The following MPPED2 variants were observed in gnomAD, a reference collection of about 807,000 sequenced individuals.
The protein encoded by MPPED2 is metallophosphoesterase MPPED2.
In MPPED2, 5 loss-of-function variants were observed where a neutral mutation model predicts 33.0. That is an observed-to-expected ratio of 0.15 (90% CI 0.08 to 0.32). The LOEUF is 0.32. Among genes scored for constraint, MPPED2 ranks in the 10% least tolerant of loss-of-function variants. The pLI is 1.00. For synonymous variants in MPPED2, 136 were observed against 141.9 expected (o/e 0.96, Z 0.29); for missense variants, 275 against 372.1 (o/e 0.74, Z 2.15).
chr11:30,384,902 T>C (rs981426574), exon 7 of MPPED2: 1 of 152,276 alleles, frequency 6.6e-6, no homozygotes, highest in Non-Finnish European at 1.5e-5. Flanking sequence ...TCTTGATTGC[T>C]AATTCCATAT....
rs1024892221 is a variant in MPPED2, at chr11:30,536,281, C to G, written c.129-106G>C. ...TTATTCGTGAATGCACCCAGACAAA[C>G]TGACGCAAAGGCAGAAGGGCCCACT... is the stretch of plus-strand genomic sequence containing the variant. On this transcript the variant is annotated intron_variant, in intron 2 of 6. Transcript: ENST00000358117. 2.9e-6 allele frequency: 3 copies of G among 1,031,752 alleles called. No individual in the cohort carries two copies. The African/African-American group carries it at 4.9e-5, about 17-fold the overall frequency. The allele number at this position is 1,031,752 out of a possible 1,614,324, so 63.9% of individuals were successfully genotyped here.
chr11:30,476,236 T>C (rs1266617056), intron 4 of MPPED2, among the ~76,000 whole-genome samples: 1 of 152,042 alleles, frequency 6.6e-6, no homozygotes, highest in East Asian at 1.9e-4. Flanking sequence ...TTTGTAATGA[T>C]ATCTTTCAAA....
At chr11:30,521,096 C>T (rs189124022) in intron 3 of MPPED2, among the ~76,000 whole-genome samples, 1 of 152,036 alleles carries the variant, frequency 6.6e-6, no homozygotes, top group South Asian at 2.1e-4. Flanking sequence ...ACTGGGGCTA[C>T]TAGGAGGAAT....
chr11:30,490,797 A>C (rs1225977425), intron 4 of MPPED2, among the ~76,000 whole-genome samples: 1 of 152,216 alleles, frequency 6.6e-6, no homozygotes, highest in African/African-American at 2.4e-5. Context: ...GCTGTGTTGC[A>C]AGTTATCAAC....
intron 3 of MPPED2, among the ~76,000 whole-genome samples, chr11:30,500,237 T>A (rs1326323382): frequency 6.6e-6 from 1 of 152,140 alleles, no homozygotes; most frequent in Non-Finnish European, 1.5e-5. Context: ...AGTGGTGTGA[T>A]CCATTCCCTT....
chr11:30,502,027 A>G (rs1952591558), intron 3 of MPPED2, among the ~76,000 whole-genome samples: 1 of 152,170 alleles, frequency 6.6e-6, no homozygotes, highest in African/African-American at 2.4e-5. Context: ...TGATTTTACC[A>G]TCTGGGGAAA....
At chr11:30,579,025 T>G (rs1957050022) in intron 2 of MPPED2, among the ~76,000 whole-genome samples, 1 of 144,226 alleles carries the variant, frequency 6.9e-6, no homozygotes, top group Non-Finnish European at 1.5e-5. Context: ...TTTTGGTCAC[T>G]CAAGCATGCT....
intron 4 of MPPED2, among the ~76,000 whole-genome samples, chr11:30,489,967 C>A (rs1951903564): frequency 6.6e-6 from 1 of 151,584 alleles, no homozygotes; most frequent in Non-Finnish European, 1.5e-5. Context: ...AGAGCCTAGT[C>A]CCACGAGTAA....
chr11:30,476,165 A>C (rs182758817), intron 4 of MPPED2, among the ~76,000 whole-genome samples: 1 of 151,942 alleles, frequency 6.6e-6, no homozygotes, highest in Admixed American at 6.6e-5. Flanking sequence ...ATCCAGATTT[A>C]TAGGTTGAAA....
At chr11:30,437,438 T>A (rs773068208) in intron 4 of MPPED2, among the ~76,000 whole-genome samples, 1 of 152,182 alleles carries the variant, frequency 6.6e-6, no homozygotes, top group African/African-American at 2.4e-5. Context: ...ATTTTCCCCA[T>A]CAAATTTCAA....
chr11:30,488,689 C>T (rs1951843449), intron 4 of MPPED2, among the ~76,000 whole-genome samples: 1 of 152,206 alleles, frequency 6.6e-6, no homozygotes, highest in African/African-American at 2.4e-5. Context: ...GAGCAGTCAG[C>T]TGCATTCTGA....
At chr11:30,423,896 C>T (rs941192541) in intron 4 of MPPED2, among the ~76,000 whole-genome samples, 1 of 152,144 alleles carries the variant, frequency 6.6e-6, no homozygotes, top group Non-Finnish European at 1.5e-5. Flanking sequence ...CCCTCCTGCT[C>T]CAGACTTTTG....
At chr11:30,482,840 T>G (rs970166546) in intron 4 of MPPED2, among the ~76,000 whole-genome samples, 1 of 152,198 alleles carries the variant, frequency 6.6e-6, no homozygotes, top group Non-Finnish European at 1.5e-5. Context: ...CTAGCCAAAC[T>G]TCAAAATTTC....
intron 3 of MPPED2, among the ~76,000 whole-genome samples, chr11:30,512,518 G>T (rs984152512): frequency 1.3e-5 from 2 of 152,134 alleles, no homozygotes; most frequent in Non-Finnish European, 1.5e-5. Context: ...CTCTTGTTGT[G>T]GGGGGAAGGA....
intron 2 of MPPED2, among the ~76,000 whole-genome samples, chr11:30,569,599 G>A (rs958410580): frequency 1.6e-4 from 24 of 152,270 alleles, no homozygotes; most frequent in African/African-American, 5.3e-4. Context: ...AACAGATGGC[G>A]AACCTTGGGA....
At chr11:30,421,395 G>A (rs983190266) in intron 4 of MPPED2, among the ~76,000 whole-genome samples, 1 of 151,828 alleles carries the variant, frequency 6.6e-6, no homozygotes, top group Non-Finnish European at 1.5e-5. Context: ...TCCAAGTTAA[G>A]GATGAAGTTT....
intron 4 of MPPED2, among the ~76,000 whole-genome samples, chr11:30,424,294 G>GC (rs1341147439): frequency 1.1e-4 from 17 of 152,142 alleles, no homozygotes; most frequent in Admixed American, 8.5e-4. Flanking sequence ...CTGCTGCCTG[G>GC]CACCTCTATT....
chr11:30,563,139 G>C (rs1158735981), intron 2 of MPPED2, among the ~76,000 whole-genome samples: 1 of 151,748 alleles, frequency 6.6e-6, no homozygotes, highest in African/African-American at 2.4e-5. Flanking sequence ...ATGACACCCA[G>C]CTTCCCCCAG....
intron 4 of MPPED2, among the ~76,000 whole-genome samples, chr11:30,429,942 G>A (rs1949006579): frequency 6.6e-6 from 1 of 152,004 alleles, no homozygotes; most frequent in South Asian, 2.1e-4. Flanking sequence ...ACAAGCATTT[G>A]AATCCACGTT....
Sources: allele counts gnomAD v4.1 joint callset (sites outside exome capture counted in the v4.1 genomes callset), GRCh38; gene constraint gnomAD v4.1.1; transcripts MANE v1.5; gene names NCBI Gene and HGNC (gene_info 2026-07-23, HGNC 2026-07-21).